SYN2: variants seen among roughly 807,000 people sequenced by gnomAD.
SYN2 encodes synapsin II.
In SYN2, 19 loss-of-function variants were observed where a neutral mutation model predicts 50.9. That is an observed-to-expected ratio of 0.37 (90% CI 0.26 to 0.55). SYN2 has a LOEUF of 0.55. SYN2 is among the 20% of genes least tolerant of loss of function. The pLI is 0.81. For missense variants in SYN2, 587 were observed against 576.4 expected, an observed-to-expected ratio of 1.02 and a Z score of -0.19; for synonymous variants, 255 against 224.9, an observed-to-expected ratio of 1.13 and a Z score of -1.20.
intron 1 of SYN2, among the ~76,000 whole-genome samples, chr3:12,093,015 C>T (rs370606742): frequency 7.7e-4 from 117 of 152,260 alleles, no homozygotes; most frequent in African/African-American, 2.6e-3. Flanking sequence ...TTTCCTCTCC[C>T]ACAGGGTGCC....
intron 1 of SYN2, among the ~76,000 whole-genome samples, chr3:12,053,099 A>G (rs1694903866): frequency 6.6e-6 from 1 of 152,198 alleles, no homozygotes; most frequent in Admixed American, 6.5e-5. Flanking sequence ...AAGATCATAC[A>G]TTGAATTACT....
intron 7 of SYN2, among the ~76,000 whole-genome samples, chr3:12,162,813 G>A (rs909463743): frequency 6.6e-6 from 1 of 152,158 alleles, no homozygotes; most frequent in African/African-American, 2.4e-5. Flanking sequence ...CCATTTGCCA[G>A]GATGGAAAGT....
intron 10 of SYN2, among the ~76,000 whole-genome samples, chr3:12,180,064 A>G (rs1698188124): frequency 6.6e-6 from 1 of 152,080 alleles, no homozygotes; most frequent in African/African-American, 2.4e-5. Context: ...TCCTCTTGCC[A>G]CAGCCCTCTG....
chr3:12,112,479 T>C (rs1696343557), intron 1 of SYN2, among the ~76,000 whole-genome samples: 1 of 152,142 alleles, frequency 6.6e-6, no homozygotes, highest in South Asian at 2.1e-4. Flanking sequence ...CTATAGGGTA[T>C]GCTTTCAAAA....
intron 1 of SYN2, among the ~76,000 whole-genome samples, chr3:12,009,033 T>TA (rs35364833): frequency 2.6e-5 from 4 of 151,980 alleles, no homozygotes; most frequent in Non-Finnish European, 5.9e-5. Context: ...TGAGTGGCTC[T>TA]AAAAAATACT....
At chr3:12,185,201 C>T in intron 11 of SYN2, 3 of 985,802 alleles carry the variant, frequency 3.0e-6, no homozygotes, top group Non-Finnish European at 3.6e-6. Flanking sequence ...CCTTAAATAC[C>T]TCCCAATCTG....
intron 5 of SYN2, among the ~76,000 whole-genome samples, chr3:12,157,844 C>T (rs1458003020): frequency 1.3e-5 from 2 of 152,192 alleles, no homozygotes; most frequent in Non-Finnish European, 2.9e-5. Flanking sequence ...TGAAGTTTAT[C>T]TATTGCTGTG....
chr3:12,168,372 C>A lies in SYN2; in HGVS notation c.1056-4C>A, dbSNP rs1312953502. The stretch of plus-strand genomic sequence containing the variant: ...GCTTCAGGACACCTTCCCATCACCT[C>A]CAGGTACAAACTGTGGGTGGACACC... On this transcript the variant is annotated splice_region_variant and splice_polypyrimidine_tract_variant and intron_variant, in intron 8 of 12. Coordinates refer to ENST00000621198, the MANE Select transcript of SYN2 (RefSeq NM_133625.6). 1 of 1,612,476 alleles carries A rather than the reference C, an allele frequency of 6.2e-7. No individual in the cohort carries two copies. Among genetic ancestry groups the A allele is most frequent in the Admixed American group, 1.7e-5 (1 of 59,844 alleles).
intron 6 of SYN2, 108 bp from the exon 7 acceptor site, chr3:12,161,904 T>C (rs1697657148): frequency 1.4e-6 from 2 of 1,472,258 alleles, no homozygotes; most frequent in Admixed American, 2.1e-5. Flanking sequence ...GATTAGTGTC[T>C]GGATCGGATA....
At chr3:12,085,117 A>G (rs1695664849) in intron 1 of SYN2, among the ~76,000 whole-genome samples, 3 of 152,176 alleles carry the variant, frequency 2.0e-5, no homozygotes, top group South Asian at 4.1e-4. Flanking sequence ...GTAAAAAAAA[A>G]AAAAAAATAT....
At chr3:12,085,020 G>T (rs578205513) in intron 1 of SYN2, among the ~76,000 whole-genome samples, 19 of 151,830 alleles carry the variant, frequency 1.3e-4, no homozygotes, top group Non-Finnish European at 2.5e-4. Flanking sequence ...CAGCAAATTG[G>T]CTGTAGTAAG....
At chr3:12,072,541 C>T (rs1029175245) in intron 1 of SYN2, among the ~76,000 whole-genome samples, 4 of 152,034 alleles carry the variant, frequency 2.6e-5, no homozygotes, top group African/African-American at 7.2e-5. Flanking sequence ...TTTTGGATAT[C>T]GATATATGGT....
rs116111390 is a variant in SYN2 at position 12,136,074 on chromosome 3, T to C, written c.378-4577T>C. 2.5e-3 allele frequency among the ~76,000 whole-genome samples: 383 copies of C among 152,320 alleles called. 2 individuals are homozygous for C. The highest frequency in any genetic ancestry group is 8.6e-3 in the African/African-American group (359 of 41,574). ...TGTCTGATTATTAGACAACCGACTTTGAAAGGTGGTATCAGATGATGATGC... is the reference window on the plus strand; with the variant it reads ...TGTCTGATTATTAGACAACCGACTTCGAAAGGTGGTATCAGATGATGATGC... On this transcript the variant is annotated intron_variant, in intron 1 of 12. Coordinates refer to ENST00000621198, the MANE Select transcript of SYN2 (RefSeq NM_133625.6).
intron 1 of SYN2, chr3:12,071,093 A>G: frequency 1.8e-6 from 1 of 561,588 alleles, no homozygotes; most frequent in South Asian, 1.4e-5. Context: ...ATGAAGTGTG[A>G]TGTGGACATC....
intron 1 of SYN2, among the ~76,000 whole-genome samples, chr3:12,069,751 T>C (rs1695302873): frequency 6.6e-6 from 1 of 152,114 alleles, no homozygotes; most frequent in African/African-American, 2.4e-5. Context: ...ATCTTGTTAA[T>C]TATATTTATC....
At chr3:12,183,845 T>G in intron 11 of SYN2, 1 of 1,028,450 alleles carries the variant, frequency 9.7e-7, no homozygotes, top group Non-Finnish European at 1.2e-6. Context: ...CCAACTCCTC[T>G]CCTCCCCCCA....
At chr3:12,099,630 C>A (rs1696021087) in intron 1 of SYN2, among the ~76,000 whole-genome samples, 1 of 151,724 alleles carries the variant, frequency 6.6e-6, no homozygotes, top group African/African-American at 2.4e-5. Context: ...AACTCTCCAT[C>A]TTAAAAAAAA....
At chr3:12,147,416 GCCTTT>G (rs1171863963) in intron 4 of SYN2, among the ~76,000 whole-genome samples, 1 of 152,178 alleles carries the variant, frequency 6.6e-6, no homozygotes. Context: ...CACTTGTTCA[GCCTTT>G]CCTTCTGCGT....
At chr3:12,185,707 TAAAGGA>T in intron 11 of SYN2, 1 of 985,854 alleles carries the variant, frequency 1.0e-6, no homozygotes, top group Non-Finnish European at 1.2e-6. Flanking sequence ...TAATGTGCAA[TAAAGGA>T]AAAGTTATAT....
Sources: gnomAD v4.1 joint callset for allele counts (sites outside exome capture counted in the v4.1 genomes callset) on GRCh38, gnomAD v4.1.1 for gene constraint, MANE v1.5 for transcripts, NCBI Gene and HGNC (gene_info 2026-07-23, HGNC 2026-07-21) for gene names.